Variants in FGF14 observed in about 807,000 individuals in gnomAD.
FGF14 encodes the protein fibroblast growth factor 14.
Under a neutral mutation model 25.5 loss-of-function variants are expected in FGF14, and 5 were observed. The observed-to-expected ratio is 0.20, with a 90% CI of 0.10 to 0.41. The LOEUF is 0.41. Among genes scored for constraint, FGF14 ranks in the 10% least tolerant of loss-of-function variants. The pLI, the probability that FGF14 is intolerant of heterozygous loss-of-function variation, is 1.00. For synonymous variants in FGF14, 138 were observed against 118.3 expected (o/e 1.17, Z -1.08); for missense variants, 222 against 320.1 (o/e 0.69, Z 2.34).
chr13:102,043,322 C>T lies in FGF14; in HGVS notation c.209-168026G>A, dbSNP rs188547148. Among the ~76,000 whole-genome samples the T allele has an allele frequency of 6.6e-5, 10 of 152,240 alleles. No individual in the cohort carries two copies. In the East Asian group the frequency reaches 1.9e-3, roughly 29 times the overall value. On this transcript the variant is annotated intron_variant, in intron 1 of 4. Coordinates refer to the FGF14 transcript ENST00000376131. Reference sequence around the variant, plus strand: ...GACTTTTCCTCAATCGTACTTAAAGCCACTAACCACTCAGATGACTTATTC... The same window carrying T: ...GACTTTTCCTCAATCGTACTTAAAGTCACTAACCACTCAGATGACTTATTC...
At chr13:101,765,977 C>A (rs2038364113) in intron 3 of FGF14, among the ~76,000 whole-genome samples, 1 of 152,146 alleles carries the variant, frequency 6.6e-6, no homozygotes, top group South Asian at 2.1e-4. Flanking sequence ...GATCTGCCCA[C>A]CTTGGCCTCC....
intron 3 of FGF14, among the ~76,000 whole-genome samples, chr13:101,813,878 G>A (rs886541241): frequency 3.9e-5 from 6 of 152,158 alleles, no homozygotes; most frequent in South Asian, 2.1e-4. Flanking sequence ...CAGGGGATTC[G>A]AGGAACCAAA....
At chr13:101,807,068 G>A (rs1432200203) in intron 3 of FGF14, among the ~76,000 whole-genome samples, 1 of 152,108 alleles carries the variant, frequency 6.6e-6, no homozygotes, top group Non-Finnish European at 1.5e-5. Context: ...AAAAGGGGCA[G>A]GGATGGTGCA....
chr13:101,771,010 A>G (rs1249887961), intron 3 of FGF14, among the ~76,000 whole-genome samples: 1 of 152,112 alleles, frequency 6.6e-6, no homozygotes, highest in African/African-American at 2.4e-5. Flanking sequence ...ACTATACTAA[A>G]TTAAATTAAA....
intron 1 of FGF14, among the ~76,000 whole-genome samples, chr13:102,103,505 A>C (rs1030143118): frequency 1.3e-5 from 2 of 152,110 alleles, no homozygotes; most frequent in Non-Finnish European, 2.9e-5. Context: ...CTCAGGTTAT[A>C]AGTAAAATTA....
rs545497322 is a variant in FGF14 at position 101,932,493 on chromosome 13, A to T, written c.209-57197T>A. ...GGTTGCAGTGAGCCAAGATCACGCCATTGCACTCCAGCCTGGGTGACATAA... is the reference window on the plus strand; with the variant it reads ...GGTTGCAGTGAGCCAAGATCACGCCTTTGCACTCCAGCCTGGGTGACATAA... On this transcript the variant is annotated intron_variant, in intron 1 of 4. Transcript: ENST00000376131. Among the ~76,000 whole-genome samples the T allele has an allele frequency of 5.0e-5, 7 of 140,910 alleles. No individual in the cohort carries two copies. In the South Asian group the frequency reaches 1.5e-3, roughly 31 times the overall value. The allele number at this position is 140,910 out of a possible 152,430, so 92.4% of individuals were successfully genotyped here. A position where few individuals can be genotyped will look rare whatever the true frequency, so the allele number is the denominator to read the frequency against.
intron 1 of FGF14, among the ~76,000 whole-genome samples, chr13:101,955,787 A>T (rs61631308): frequency 2.1e-3 from 324 of 152,366 alleles, no homozygotes; most frequent in African/African-American, 7.4e-3. Flanking sequence ...ATAAAAGGGA[A>T]GAGACACTTG....
intron 1 of FGF14, among the ~76,000 whole-genome samples, chr13:101,991,199 A>G (rs920295648): frequency 1.3e-5 from 2 of 152,158 alleles, no homozygotes; most frequent in Non-Finnish European, 2.9e-5. Flanking sequence ...TTTAAAGTGC[A>G]TAATTCAATA....
intron 1 of FGF14, among the ~76,000 whole-genome samples, chr13:102,081,712 A>G (rs2043631488): frequency 6.6e-6 from 1 of 152,190 alleles, no homozygotes; most frequent in Non-Finnish European, 1.5e-5. Flanking sequence ...CATTACTATG[A>G]CATGTGTTTT....
chr13:101,870,432 C>T (rs1325765605), intron 2 of FGF14, among the ~76,000 whole-genome samples: 2 of 152,044 alleles, frequency 1.3e-5, no homozygotes, highest in Non-Finnish European at 2.9e-5. Flanking sequence ...TTAATCAATT[C>T]AAATTTAATT....
chr13:102,201,481 G>GA (rs1248004500), intron 1 of FGF14, among the ~76,000 whole-genome samples: 4 of 152,134 alleles, frequency 2.6e-5, no homozygotes. Flanking sequence ...GGGATTGGCT[G>GA]AAAAAATTCT....
At chr13:102,129,296 G>A (rs2046085238) in intron 1 of FGF14, among the ~76,000 whole-genome samples, 5 of 151,906 alleles carry the variant, frequency 3.3e-5, no homozygotes. Context: ...TCCCTTTAAG[G>A]ATTTTTTTTC....
At chr13:101,960,993 T>C (rs533957619) in intron 1 of FGF14, among the ~76,000 whole-genome samples, 1 of 152,338 alleles carries the variant, frequency 6.6e-6, no homozygotes, top group Admixed American at 6.5e-5. Flanking sequence ...AATGTCTTCT[T>C]TTGAGAAGTG....
chr13:101,773,005 TTGTTTTTGATTAAGGAAAGG>T (rs1256449028), intron 3 of FGF14, among the ~76,000 whole-genome samples: 1 of 152,108 alleles, frequency 6.6e-6, no homozygotes, highest in African/African-American at 2.4e-5. Context: ...CATGAAGCCA[TTGTTTTTGATTAAGGAAAGG>T]TGTGGTAGCT....
At chr13:102,105,926 T>C (rs2044885663) in intron 1 of FGF14, among the ~76,000 whole-genome samples, 1 of 152,216 alleles carries the variant, frequency 6.6e-6, no homozygotes, top group African/African-American at 2.4e-5. Context: ...CATTTCAACA[T>C]ATTGCAATCA....
intron 3 of FGF14, among the ~76,000 whole-genome samples, chr13:101,801,056 A>G (rs953015439): frequency 6.6e-6 from 1 of 152,206 alleles, no homozygotes; most frequent in Non-Finnish European, 1.5e-5. Context: ...AGTGAGGGAC[A>G]GCTACCTCGA....
chr13:102,393,577 C>A (rs1297602394), intron 1 of FGF14, among the ~76,000 whole-genome samples: 1 of 152,126 alleles, frequency 6.6e-6, no homozygotes, highest in Non-Finnish European at 1.5e-5. Flanking sequence ...AGTGAAGATA[C>A]CCTCCCCTAC....
intron 1 of FGF14, among the ~76,000 whole-genome samples, chr13:102,059,633 G>A (rs1000471165): frequency 7.9e-5 from 12 of 152,114 alleles, no homozygotes; most frequent in Non-Finnish European, 1.8e-4. Flanking sequence ...GGTGGATCAC[G>A]TGAGGTCAGA....
intron 1 of FGF14, among the ~76,000 whole-genome samples, chr13:102,363,910 CA>C (rs1022294189): frequency 6.6e-6 from 1 of 152,176 alleles, no homozygotes. Flanking sequence ...AAGCATCTTT[CA>C]ATGGATCTTT....
Sources: gnomAD v4.1 joint callset for allele counts (sites outside exome capture counted in the v4.1 genomes callset) on GRCh38, gnomAD v4.1.1 for gene constraint, MANE v1.5 for transcripts, NCBI Gene and HGNC (gene_info 2026-07-23, HGNC 2026-07-21) for gene names.